Variants in RPE observed in about 807,000 individuals in gnomAD.
The protein encoded by RPE is ribulose-phosphate 3-epimerase.
Under a neutral mutation model 24.6 loss-of-function variants are expected in RPE, and 16 were observed. The ratio of observed to expected loss-of-function variants is 0.65; its 90% CI spans 0.44 to 0.99. RPE has a LOEUF of 0.99. RPE is among the 50% of genes least tolerant of loss of function. The pLI, the probability that RPE is intolerant of heterozygous loss-of-function variation, is 0.00. For missense variants in RPE, 240 were observed against 294.5 expected, an observed-to-expected ratio of 0.81 and a Z score of 1.35; for synonymous variants, 93 against 98.4, an observed-to-expected ratio of 0.94 and a Z score of 0.33.
chr2:210,003,558 A>G (rs1200642409), intron 1 of RPE: 2 of 734,230 alleles, frequency 2.7e-6, no homozygotes, highest in East Asian at 1.3e-4. Context: ...GAATGAGGAA[A>G]CAACCCCAGA....
intron 5 of RPE, chr2:210,018,321 C>A (rs1482717294): frequency 1.4e-6 from 2 of 1,428,110 alleles, no homozygotes; most frequent in African/African-American, 2.9e-5. Context: ...TAAGAACTTG[C>A]TAGAACCATT....
At chr2:210,014,794 A>G (rs1486557118) in intron 2 of RPE, among the ~76,000 whole-genome samples, 2 of 151,842 alleles carry the variant, frequency 1.3e-5, no homozygotes, top group African/African-American at 4.8e-5. Flanking sequence ...TTTCTTAAAT[A>G]TAGCTTGGCT....
intron 2 of RPE, among the ~76,000 whole-genome samples, chr2:210,015,337 T>G (rs1196236294): frequency 1.3e-5 from 2 of 152,172 alleles, no homozygotes; most frequent in Non-Finnish European, 1.5e-5. Context: ...CTGTGGTGGT[T>G]TTTCCCAGTG....
At chr2:210,003,376 C>T (rs1242986363) in intron 1 of RPE, 1 of 1,008,482 alleles carries the variant, frequency 9.9e-7, no homozygotes, top group Non-Finnish European at 1.4e-6. Flanking sequence ...ATATTAAGTT[C>T]TCTATAATTG....
In RPE at chr2:210,019,693, G is replaced by T. The variant is rs1405311137; in HGVS notation, c.589G>T (p.Gly197Cys). 6.2e-7 allele frequency: 1 copy of T among 1,613,036 alleles called. No homozygotes were observed. The highest frequency in any genetic ancestry group is 1.3e-5 in the African/African-American group (1 of 74,886). ...GGCAGGAGCTAACATGATTGTGTCT[G>T]GCAGTGCTATTATGAGGAGTGAAGA... The part of the protein sequence containing the change: ...AEAGANMIVS[G>C]SAIMRSEDPR... The change falls in exon 6 of 6, where the codon GGC becomes TGC. Residue 197 changes from glycine (G) to cysteine (C), a missense_variant. Coordinates refer to ENST00000359429, the MANE Select transcript of RPE (RefSeq NM_199229.3).
chr2:210,016,737 C>T, intron 4 of RPE, 96 bp downstream of exon 4: 1 of 1,546,718 alleles, frequency 6.5e-7, no homozygotes, highest in East Asian at 2.2e-5. Context: ...ATAACCTGTT[C>T]TGAAGGTGAG....
chr2:210,003,541 G>A, intron 1 of RPE: 2 of 961,712 alleles, frequency 2.1e-6, no homozygotes, highest in Non-Finnish European at 2.9e-6. Context: ...TTCTGAAGTT[G>A]GTTACAGAAT....
intron 2 of RPE, among the ~76,000 whole-genome samples, chr2:210,012,895 T>G (rs891075916): frequency 6.6e-6 from 1 of 152,240 alleles, no homozygotes. Context: ...CTGTCACTAT[T>G]TGTAAGATGT....
At chr2:210,006,302 A>C (rs2093630108) in intron 1 of RPE, among the ~76,000 whole-genome samples, 2 of 152,212 alleles carry the variant, frequency 1.3e-5, no homozygotes, top group Non-Finnish European at 2.9e-5. Context: ...CTGTAAATAC[A>C]TTAGAACTGC....
At chr2:210,019,485 C>T (rs1038191884) in intron 5 of RPE, among the ~76,000 whole-genome samples, 184 bp from the exon 6 acceptor site, 2 of 152,174 alleles carry the variant, frequency 1.3e-5, no homozygotes, top group Admixed American at 1.3e-4. Flanking sequence ...CTGACATCCT[C>T]ATCTGTGAAC....
chr2:210,009,981 C>T (rs1221388844), intron 2 of RPE, among the ~76,000 whole-genome samples: 1 of 152,150 alleles, frequency 6.6e-6, no homozygotes, highest in African/African-American at 2.4e-5. Context: ...TTTGTCATTT[C>T]CTCAGAGAGG....
At chr2:210,012,408 A>G (rs1377772405) in intron 2 of RPE, among the ~76,000 whole-genome samples, 2 of 152,252 alleles carry the variant, frequency 1.3e-5, no homozygotes, top group Non-Finnish European at 2.9e-5. Flanking sequence ...ATCATCATGC[A>G]TTTGCAATAA....
At chr2:210,009,034 C>T (rs983215639) in intron 1 of RPE, among the ~76,000 whole-genome samples, 1 of 152,146 alleles carries the variant, frequency 6.6e-6, no homozygotes, top group African/African-American at 2.4e-5. Flanking sequence ...AAATTATTAA[C>T]TGAGTTACTT....
intron 1 of RPE, among the ~76,000 whole-genome samples, chr2:210,006,049 C>T (rs976125763): frequency 1.3e-5 from 2 of 152,018 alleles, no homozygotes; most frequent in Admixed American, 6.6e-5. Context: ...TCCAGTAAGT[C>T]CCTGGAAGAA....
intron 1 of RPE, among the ~76,000 whole-genome samples, chr2:210,005,882 C>T (rs910911572): frequency 1.3e-5 from 2 of 152,190 alleles, no homozygotes; most frequent in African/African-American, 4.8e-5. Context: ...CAACTCTAAT[C>T]CTCCTCTTAC....
At chr2:210,018,300 G>T (rs60979064) in intron 5 of RPE, 1 of 1,458,436 alleles carries the variant, frequency 6.9e-7, no homozygotes, top group South Asian at 1.4e-5. Context: ...ATATTATTTA[G>T]TTGTTCCTTG....
chr2:210,020,301 T>C lies in RPE; in HGVS notation c.*510T>C, dbSNP rs569077703. The C allele has an allele frequency of 5.4e-5, 9 of 167,096 alleles. No homozygotes were observed. Among genetic ancestry groups the C allele is most frequent in the Admixed American group, 3.9e-4 (6 of 15,308 alleles). The allele number at this position is 167,096 out of a possible 1,614,324, so 10.4% of individuals were successfully genotyped here. On this transcript the variant is annotated 3_prime_UTR_variant, in exon 6 of 6. Transcript: ENST00000359429. ...AAATCTATCACTTTTCACCTTACAC[T>C]TGATGTGTGAAAACTATAAAAACAA...
At chr2:210,005,994 A>T (rs2125054541) in intron 1 of RPE, among the ~76,000 whole-genome samples, 1 of 152,336 alleles carries the variant, frequency 6.6e-6, no homozygotes, top group East Asian at 1.9e-4. Flanking sequence ...ATGGAACATG[A>T]GAGAGAAAAT....
chr2:210,016,524 AC>A lies in RPE; in HGVS notation c.362del (p.Pro121GlnfsTer15). On this transcript the variant is annotated frameshift_variant, in exon 4 of 6. Transcript: ENST00000359429. LOFTEE classifies it high-confidence loss of function. ...NGMKVGLAIK[P>X]GTSVEYLAPW... ...TGTTACAGGTTGGCCTTGCCATCAAACCAGGAACCTCAGTTGAGTATTTGGC... is the reference window on the plus strand; with the variant it reads ...TGTTACAGGTTGGCCTTGCCATCAAACAGGAACCTCAGTTGAGTATTTGGC... The A allele has an allele frequency of 6.2e-7, 1 of 1,614,266 alleles. No individual in the cohort carries two copies. The highest frequency in any genetic ancestry group is 8.5e-7 in the Non-Finnish European group (1 of 1,180,048).
Sources: allele counts gnomAD v4.1 joint callset (sites outside exome capture counted in the v4.1 genomes callset), GRCh38; gene constraint gnomAD v4.1.1; transcripts MANE v1.5; gene names NCBI Gene and HGNC (gene_info 2026-07-23, HGNC 2026-07-21).